BICC1: variants seen among roughly 807,000 people sequenced by gnomAD.
BICC1 encodes the protein BicC family RNA binding protein 1.
BICC1 carries 43 observed loss-of-function variants against 111.0 expected under a neutral mutation model. That is an observed-to-expected ratio of 0.39 (90% CI 0.30 to 0.50). BICC1 has a LOEUF of 0.50. Ranked by LOEUF, BICC1 falls within the 20% of genes least tolerant of loss-of-function variation. The pLI, the probability that BICC1 is intolerant of heterozygous loss-of-function variation, is 0.88. For missense variants in BICC1, 1,091 were observed against 1,203.2 expected (o/e 0.91, Z 1.38); for synonymous variants, 467 against 434.4 (o/e 1.07, Z -0.93).
chr10:58,692,187 A>G (rs1777889360), intron 2 of BICC1, among the ~76,000 whole-genome samples: 1 of 152,184 alleles, frequency 6.6e-6, no homozygotes, highest in Non-Finnish European at 1.5e-5. Flanking sequence ...AGAGAGAGAG[A>G]GAGAGACAGG....
At chr10:58,521,502 C>T (rs1842385881) in intron 1 of BICC1, among the ~76,000 whole-genome samples, 1 of 151,964 alleles carries the variant, frequency 6.6e-6, no homozygotes, top group Non-Finnish European at 1.5e-5. Context: ...TTTAAGGTTC[C>T]TGATCAATTT....
At chr10:58,793,718 T>C in intron 9 of BICC1, 103 bp downstream of exon 9, 3 of 1,287,998 alleles carry the variant, frequency 2.3e-6, no homozygotes, top group Non-Finnish European at 3.3e-6. Context: ...AAACTGTTAC[T>C]CTATACAGGT....
chr10:58,708,545 G>A (rs897297738), intron 3 of BICC1, among the ~76,000 whole-genome samples: 7 of 152,200 alleles, frequency 4.6e-5, no homozygotes, highest in African/African-American at 7.2e-5. Context: ...CCAGCCTGCA[G>A]TAGAGTGCAC....
chr10:58,803,833 A>G (rs1843630145), intron 15 of BICC1, among the ~76,000 whole-genome samples: 1 of 152,204 alleles, frequency 6.6e-6, no homozygotes, highest in Non-Finnish European at 1.5e-5. Flanking sequence ...TATTAGTCTA[A>G]TTACTCAGAA....
intron 1 of BICC1, among the ~76,000 whole-genome samples, chr10:58,589,553 C>T (rs1308270403): frequency 1.3e-5 from 2 of 151,794 alleles, no homozygotes; most frequent in African/African-American, 4.8e-5. Context: ...CTCACTGCAA[C>T]CTTGAATGCC....
chr10:58,700,535 C>T (rs908317247), intron 2 of BICC1, among the ~76,000 whole-genome samples: 10 of 152,162 alleles, frequency 6.6e-5, no homozygotes, highest in Admixed American at 3.9e-4. Context: ...ATTAAGGTAA[C>T]GAGCTCACCT....
chr10:58,596,274 A>G (rs1397926227), intron 1 of BICC1, among the ~76,000 whole-genome samples: 1 of 152,218 alleles, frequency 6.6e-6, no homozygotes, highest in Non-Finnish European at 1.5e-5. Flanking sequence ...GAATCAATAA[A>G]TGTAATCCAT....
intron 3 of BICC1, among the ~76,000 whole-genome samples, chr10:58,773,846 G>A (rs1842681307): frequency 2.0e-5 from 3 of 152,196 alleles, no homozygotes; most frequent in Admixed American, 1.3e-4. Flanking sequence ...ACGTTAATAG[G>A]CGGCTTAATC....
At chr10:58,670,453 T>TC (rs1392897919) in intron 2 of BICC1, among the ~76,000 whole-genome samples, 1 of 152,132 alleles carries the variant, frequency 6.6e-6, no homozygotes, top group Non-Finnish European at 1.5e-5. Context: ...GAATATCCTG[T>TC]CCCCATCTGC....
chr10:58,748,412 G>C (rs533764519), intron 3 of BICC1, among the ~76,000 whole-genome samples: 58 of 149,950 alleles, frequency 3.9e-4, no homozygotes, highest in Admixed American at 9.4e-4. Flanking sequence ...CAATAAATTG[G>C]TTACTTTTCC....
chr10:58,803,279 A>T, intron 15 of BICC1, 37 bp downstream of exon 15: 1 of 1,539,036 alleles, frequency 6.5e-7, no homozygotes, highest in Non-Finnish European at 8.8e-7. Flanking sequence ...CTCAAATGTC[A>T]TATGTTTGGG....
chr10:58,769,410 A>C (rs1842560704), intron 3 of BICC1, among the ~76,000 whole-genome samples: 1 of 143,726 alleles, frequency 7.0e-6, no homozygotes, highest in South Asian at 2.2e-4. Context: ...GTGTGTATAT[A>C]TATATATATA....
At chr10:58,805,925 G>A (rs146461321) in intron 15 of BICC1, among the ~76,000 whole-genome samples, 144 of 152,278 alleles carry the variant, frequency 9.5e-4, no homozygotes, top group African/African-American at 3.1e-3. Context: ...TGACTACATC[G>A]TAGTTACTCA....
chr10:58,659,856 G>A (rs1838783559), intron 2 of BICC1, among the ~76,000 whole-genome samples: 1 of 151,956 alleles, frequency 6.6e-6, no homozygotes, highest in South Asian at 2.1e-4. Flanking sequence ...TTGAGAAGAA[G>A]GTAAAAATAT....
intron 1 of BICC1, among the ~76,000 whole-genome samples, chr10:58,533,264 G>A (rs1334618562): frequency 6.6e-6 from 1 of 151,734 alleles, no homozygotes; most frequent in Non-Finnish European, 1.5e-5. Flanking sequence ...TTACAATTGT[G>A]ATTTATTCCT....
At position 58,813,991 on chromosome 10, in the gene BICC1, G is replaced by C; in HGVS notation, c.2533+5G>C. 1 of 1,613,974 alleles carries C rather than the reference G, an allele frequency of 6.2e-7. No homozygotes were observed. The highest frequency in any genetic ancestry group is 8.5e-7 in the Non-Finnish European group (1 of 1,179,910). On this transcript the variant is annotated splice_donor_5th_base_variant and intron_variant, in intron 18 of 20. Coordinates refer to ENST00000373886, the MANE Select transcript of BICC1 (RefSeq NM_001080512.3). ...AGCGTAAACAAAACAAATCAAGTGA[G>C]CGTTGTGTTTTATGCACACTTTTAG...
At chr10:58,652,008 A>G (rs1319593985) in intron 2 of BICC1, among the ~76,000 whole-genome samples, 1 of 152,136 alleles carries the variant, frequency 6.6e-6, no homozygotes, top group Non-Finnish European at 1.5e-5. Flanking sequence ...CAAATTCGGT[A>G]ATGAACTGAG....
rs1021449616 is a variant in BICC1, at chr10:58,658,197, C to CT, written c.237+37304dup. On this transcript the variant is annotated intron_variant, in intron 2 of 20. Transcript: ENST00000373886. ...CGGAGCTTTCATTAACAGCTCTCTG[C>CT]TTTTTTTTGAGACAGAGTCTCAGTC... Among the ~76,000 whole-genome samples the CT allele has an allele frequency of 3.3e-5, 5 of 151,890 alleles. 1 individual carries two copies. Among genetic ancestry groups the CT allele is most frequent in the South Asian group, 4.2e-4 (2 of 4,812 alleles).
chr10:58,688,101 T>TAG (rs1228653656), intron 2 of BICC1, among the ~76,000 whole-genome samples: 1 of 152,134 alleles, frequency 6.6e-6, no homozygotes, highest in Non-Finnish European at 1.5e-5. Flanking sequence ...CAATGAGTGT[T>TAG]ACAGCTCTTA....
Sources: allele counts gnomAD v4.1 joint callset (sites outside exome capture counted in the v4.1 genomes callset), GRCh38; gene constraint gnomAD v4.1.1; transcripts MANE v1.5; gene names NCBI Gene and HGNC (gene_info 2026-07-23, HGNC 2026-07-21).